The following GRIPAP1 variants were observed in gnomAD, a reference collection of about 807,000 sequenced individuals.
The protein encoded by GRIPAP1 is GRIP1-associated protein 1.
A neutral mutation model predicts 84.1 loss-of-function variants in GRIPAP1; 14 were observed. The ratio of observed to expected loss-of-function variants is 0.17; its 90% CI spans 0.11 to 0.26. The LOEUF (loss-of-function observed/expected upper bound fraction) is 0.26, where lower values mean the gene tolerates loss of function less well. Ranked by LOEUF, GRIPAP1 falls within the 10% of genes least tolerant of loss-of-function variation. The pLI is 1.00. For synonymous variants in GRIPAP1, 261 were observed against 256.8 expected, an observed-to-expected ratio of 1.02 and a Z score of -0.15; for missense variants, 518 against 674.2, an observed-to-expected ratio of 0.77 and a Z score of 2.57.
chrX:48,975,487 C>A (rs1331933569), intron 24 of GRIPAP1, 178 bp from the exon 25 acceptor site: 1 of 418,128 alleles, frequency 2.4e-6, no homozygotes, highest in Non-Finnish European at 4.1e-6. Flanking sequence ...AGCTCTATGG[C>A]CCCGAGAAAT....
intron 8 of GRIPAP1, 24 bp downstream of exon 8, chrX:48,990,661 T>C: frequency 1.7e-6 from 2 of 1,177,744 alleles, no homozygotes; most frequent in Non-Finnish European, 2.3e-6. Context: ...GGGAGCAGAA[T>C]GGGAAAGAGC....
intron 21 of GRIPAP1, chrX:48,980,926 A>C (rs782102536): frequency 2.4e-5 from 8 of 339,659 alleles, no homozygotes; most frequent in East Asian, 2.0e-4. Flanking sequence ...CTAGAGAAAG[A>C]AAGCAAGGAG....
At position 48,998,196 on chromosome X, in the gene GRIPAP1, G is replaced by A. The variant is rs1471835332; in HGVS notation, c.172-16C>T. The A allele has an allele frequency of 8.6e-7, 1 of 1,167,252 alleles. No individual in the cohort carries two copies. The highest frequency in any genetic ancestry group is 1.8e-5 in the African/African-American group (1 of 55,984). Reference sequence around the variant, plus strand: ...TGCTCAGTGCCTAAAGTGGGGGTGGGTGGGAAGAGAGCTAAAGTGAACAGA... The same window carrying A: ...TGCTCAGTGCCTAAAGTGGGGGTGGATGGGAAGAGAGCTAAAGTGAACAGA... On this transcript the variant is annotated splice_polypyrimidine_tract_variant and intron_variant, in intron 3 of 25. Transcript: ENST00000376423.
Position 48,983,201 on chromosome X carries a change from G to A in GRIPAP1, c.1485+27C>T, listed in dbSNP as rs1187720307. The A allele has an allele frequency of 2.5e-6, 3 of 1,180,159 alleles. No individual in the cohort carries two copies. In the Admixed American group the frequency reaches 6.6e-5, roughly 26 times the overall value. On this transcript the variant is annotated intron_variant, in intron 16 of 25. Transcript: ENST00000376423. ...CTGTGGTTCCCAGGTTTTAGAGGAA[G>A]AAGGGCATCATCATCTACCCACCCA...
rs1280831296 is a variant in GRIPAP1, at chrX:48,976,005, A to G, written c.2278+13T>C. 5.9e-6 allele frequency: 7 copies of G among 1,191,104 alleles called. No homozygotes were observed. The highest frequency in any genetic ancestry group is 8.0e-6 in the Non-Finnish European group (7 of 878,484). ...GCTGGACCAGGGCTGAGGGCCGGGGAGGGGACACTGACCGATCCGGCTGTC... is the reference window on the plus strand; with the variant it reads ...GCTGGACCAGGGCTGAGGGCCGGGGGGGGGACACTGACCGATCCGGCTGTC... On this transcript the variant is annotated intron_variant, in intron 24 of 25. Transcript: ENST00000376423.
At chrX:48,979,354 G>A (rs1025575218) in intron 21 of GRIPAP1, among the ~76,000 whole-genome samples, 1 of 103,855 alleles carries the variant, frequency 9.6e-6, no homozygotes, top group African/African-American at 3.5e-5. Flanking sequence ...GCGGGTGCCT[G>A]TAGTCCCAGC....
intron 5 of GRIPAP1, among the ~76,000 whole-genome samples, chrX:48,994,172 C>T (rs28568473): frequency 0.036 from 3,954 of 109,659 alleles, 195 homozygotes; most frequent in African/African-American, 0.13. Flanking sequence ...ATGAGAATAT[C>T]GAGGCCTACA....
intron 24 of GRIPAP1, chrX:48,975,655 A>G (rs1390989604): frequency 6.1e-6 from 2 of 328,092 alleles, no homozygotes; most frequent in African/African-American, 5.3e-5. Context: ...AGCAATGAAG[A>G]TACAGAGAAG....
chrX:48,975,456 A>C (rs782482251), intron 24 of GRIPAP1, 147 bp from the exon 25 acceptor site: 11 of 505,493 alleles, frequency 2.2e-5, no homozygotes, highest in Non-Finnish European at 3.5e-5. Flanking sequence ...TGACATACAA[A>C]ACCTAGCTCT....
chrX:48,988,136 C>T lies in GRIPAP1; in HGVS notation c.933G>A (p.Arg311=). Residue 311 remains arginine (R), a synonymous_variant, in exon 12 of 26, where the codon CGG becomes CGA. Coordinates refer to ENST00000376423, the MANE Select transcript of GRIPAP1 (RefSeq NM_020137.5). ...GERLEHAAAL[R]ALQDQVSIQS... Reference sequence around the variant, plus strand: ...TACAATATACCTGATCTTGTAGGGCCCGCAAAGCTGCTGCATGTTCCAGGC... The same window carrying T: ...TACAATATACCTGATCTTGTAGGGCTCGCAAAGCTGCTGCATGTTCCAGGC... 8.3e-7 allele frequency: 1 copy of T among 1,199,535 alleles called. No individual in the cohort carries two copies. The highest frequency in any genetic ancestry group is 1.1e-6 in the Non-Finnish European group (1 of 888,641).
In GRIPAP1 at chrX:48,993,530, C is replaced by G. The variant is rs1557066082; in HGVS notation, c.355G>C (p.Glu119Gln). 3.4e-6 allele frequency: 4 copies of G among 1,185,308 alleles called. No homozygotes were observed. Among genetic ancestry groups the G allele is most frequent in the Non-Finnish European group, 4.5e-6 (4 of 881,258 alleles). ...GCAACCCCTGCTCCTGCAGCCCCCT[C>G]CTTCAGTTGCTGGTTCTCTTGCTCC... The part of the protein sequence containing the change: ...QLEQENQQLK[E>Q]GAAGAGVAQA... Residue 119 changes from glutamate (E) to glutamine (Q), a missense_variant, in exon 6 of 26, where the codon GAG becomes CAG. Around this residue, in one of 5 missense-constraint regions of GRIPAP1, gnomAD observed 372 missense variants for 458.1 expected, o/e 0.81. Transcript: ENST00000376423.
chrX:48,999,575 G>T (rs1462728176), intron 1 of GRIPAP1, 71 bp from the exon 2 acceptor site: 2 of 730,975 alleles, frequency 2.7e-6, no homozygotes, highest in Non-Finnish European at 4.3e-6. Context: ...AGGGAACCAA[G>T]CCCCTAAGCT....
chrX:48,997,867 CAAAG>C, intron 4 of GRIPAP1: 1 of 344,635 alleles, frequency 2.9e-6, no homozygotes, highest in South Asian at 5.3e-5. Flanking sequence ...GGGGGAGAGA[CAAAG>C]AGAAGATTGG....
rs782736547 is a variant in GRIPAP1 at position 48,981,337 on chromosome X, G to A, written c.1831-23C>T. On this transcript the variant is annotated intron_variant, in intron 20 of 25. Transcript: ENST00000376423. ...GAGCTGTGGGGGACAGGGGTAACATGAGGACTGAGGCCCAGTGGGCCCATA... is the reference window on the plus strand; with the variant it reads ...GAGCTGTGGGGGACAGGGGTAACATAAGGACTGAGGCCCAGTGGGCCCATA... 4 of 1,198,156 alleles carry A rather than the reference G, an allele frequency of 3.3e-6. No individual in the cohort carries two copies. The African/African-American group carries it at 5.2e-5, about 16-fold the overall frequency.
In GRIPAP1 at chrX:48,999,319, G is replaced by A. The variant is rs782078354; in HGVS notation, c.110-20C>T. 2.5e-6 allele frequency: 3 copies of A among 1,190,659 alleles called. No homozygotes were observed. Among genetic ancestry groups the A allele is most frequent in the Admixed American group, 4.4e-5 (2 of 45,592 alleles). ...TGAGTTCTGGTGTCGGGAAAGCAGG[G>A]AAACTCAGCCTCAGCCAGTGGCAAG... On this transcript the variant is annotated intron_variant, in intron 2 of 25. Coordinates refer to ENST00000376423, the MANE Select transcript of GRIPAP1 (RefSeq NM_020137.5).
At chrX:48,996,173 G>A (rs1252379411) in intron 5 of GRIPAP1, among the ~76,000 whole-genome samples, 1 of 111,956 alleles carries the variant, frequency 8.9e-6, no homozygotes, top group Non-Finnish European at 1.9e-5. Context: ...TTTTAATCTA[G>A]GCCTTCTGGT....
rs1569520182 is a variant in GRIPAP1 at position 48,999,445 on chromosome X, A to G, written c.102T>C (p.Asn34=). 3.3e-6 allele frequency: 4 copies of G among 1,200,672 alleles called. No homozygotes were observed. Among genetic ancestry groups the G allele is most frequent in the Non-Finnish European group, 1.1e-6 (1 of 885,791 alleles). The part of the protein sequence containing the change: ...NYQLSDELRK[N]GVELTSLRQK... Reference sequence around the variant, plus strand: ...AAGGCCCTCCTGGCTCACCAACACCATTCTTGCGTAGTTCATCTGAAAGCT... The same window carrying G: ...AAGGCCCTCCTGGCTCACCAACACCGTTCTTGCGTAGTTCATCTGAAAGCT... The change falls in exon 2 of 26, where the codon AAT becomes AAC. Residue 34 remains asparagine, a synonymous_variant. Coordinates refer to ENST00000376423, the MANE Select transcript of GRIPAP1 (RefSeq NM_020137.5).
In GRIPAP1 at chrX:48,989,870, C is replaced by T; in HGVS notation, c.735G>A (p.Leu245=). The T allele has an allele frequency of 2.5e-6, 3 of 1,210,269 alleles. No individual in the cohort carries two copies. The highest frequency in any genetic ancestry group is 1.8e-5 in the South Asian group (1 of 56,921). Residue 245 remains leucine, a synonymous_variant, in exon 10 of 26, where the codon CTG becomes CTA. Transcript: ENST00000376423. ...TAAACAGAGTCTCCTTTTCTGTCTG[C>T]AGACGGCAAAAACTGGGCACAGAAG... ...LKKKQESFCR[L]QTEKETLFND...
At chrX:48,997,627 T>G (rs1230421746) in intron 4 of GRIPAP1, among the ~76,000 whole-genome samples, 5 of 84,929 alleles carry the variant, frequency 5.9e-5, no homozygotes, top group Admixed American at 2.7e-4. Context: ...AGAGAGGAAG[T>G]AGAGATGGGG....
Sources: allele counts gnomAD v4.1 joint callset (sites outside exome capture counted in the v4.1 genomes callset), GRCh38; gene constraint gnomAD v4.1.1; regional missense constraint gnomAD v4.1.1; transcripts MANE v1.5; gene names NCBI Gene and HGNC (gene_info 2026-07-23, HGNC 2026-07-21).